PRICKLE2: variants seen among roughly 807,000 people sequenced by gnomAD.
PRICKLE2 encodes the protein prickle-like protein 2.
Under a neutral mutation model 81.4 loss-of-function variants are expected in PRICKLE2, and 21 were observed. The observed-to-expected ratio is 0.26, with a 90% CI of 0.18 to 0.37. The LOEUF (loss-of-function observed/expected upper bound fraction) is 0.37. Ranked by LOEUF, PRICKLE2 falls within the 10% of genes least tolerant of loss-of-function variation. PRICKLE2 has a pLI of 1.00. For missense variants in PRICKLE2, 940 were observed against 1,109.0 expected (o/e 0.85, Z 2.16); for synonymous variants, 456 against 421.5 (o/e 1.08, Z -1.00).
At chr3:64,153,113 T>G (rs2077573143) in intron 6 of PRICKLE2, 69 bp downstream of exon 6, 1 of 1,427,532 alleles carries the variant, frequency 7.0e-7, no homozygotes, top group Non-Finnish European at 9.9e-7. Flanking sequence ...CAAAGATACT[T>G]TAACTACACC....
chr3:64,262,292 A>G (rs1022536781), intron 2 of PRICKLE2, among the ~76,000 whole-genome samples: 6 of 152,168 alleles, frequency 3.9e-5, no homozygotes, highest in African/African-American at 1.2e-4. Flanking sequence ...TAAGAGAAAG[A>G]GAACAATCAA....
At chr3:64,139,113 G>T (rs2077320835) in intron 7 of PRICKLE2, among the ~76,000 whole-genome samples, 2 of 152,200 alleles carry the variant, frequency 1.3e-5, no homozygotes, top group South Asian at 4.1e-4. Context: ...CAGCAATGCT[G>T]AAAAATTACC....
rs1553663533 is a variant in PRICKLE2 at position 64,258,893 on chromosome 3, G to GAAAT, written c.129-59930_129-59927dup. ...AGAAAGAAAGAAAGAAAGAAAGAAAGAAATCAGGAGAGTGGTTAGAATTAA... is the reference window on the plus strand; with the variant it reads ...AGAAAGAAAGAAAGAAAGAAAGAAAGAAATAAATCAGGAGAGTGGTTAGAATTAA... On this transcript the variant is annotated intron_variant, in intron 2 of 8. Coordinates refer to the PRICKLE2 transcript ENST00000295902. Among the ~76,000 whole-genome samples, 457 of 140,248 alleles carry GAAAT rather than the reference G, an allele frequency of 3.3e-3. 2 individuals carry two copies. Among genetic ancestry groups the GAAAT allele is most frequent in the East Asian group, 8.5e-3 (39 of 4,594 alleles). The allele number at this position is 140,248 out of a possible 152,430, so 92.0% of individuals were successfully genotyped here.
intron 2 of PRICKLE2, among the ~76,000 whole-genome samples, chr3:64,261,277 T>TA (rs1479637331): frequency 3.3e-5 from 5 of 152,130 alleles, no homozygotes; most frequent in Admixed American, 1.3e-4. Context: ...AAAAATAACT[T>TA]AAAAATTTTT....
At chr3:64,253,389 G>C (rs1030347795) in intron 2 of PRICKLE2, among the ~76,000 whole-genome samples, 2 of 152,098 alleles carry the variant, frequency 1.3e-5, no homozygotes, top group African/African-American at 4.8e-5. Context: ...CCATCACACA[G>C]CTGTTCAGAC....
chr3:64,195,308 T>C (rs696227), intron 2 of PRICKLE2, among the ~76,000 whole-genome samples: 28,953 of 152,186 alleles, frequency 0.19, 3,240 homozygotes, highest in East Asian at 0.48. Flanking sequence ...TTTTATGAAA[T>C]TAAATGTCCG....
At chr3:64,110,495 T>C (rs1002106028) in intron 7 of PRICKLE2, among the ~76,000 whole-genome samples, 2 of 152,106 alleles carry the variant, frequency 1.3e-5, no homozygotes, top group Non-Finnish European at 2.9e-5. Context: ...CAAGTCAGCA[T>C]AGCAAGGTGA....
intron 7 of PRICKLE2, among the ~76,000 whole-genome samples, chr3:64,119,400 A>T (rs998437862): frequency 3.9e-5 from 6 of 152,218 alleles, no homozygotes; most frequent in Non-Finnish European, 8.8e-5. Flanking sequence ...GGCAAAAAAC[A>T]TGAAAAGACA....
chr3:64,109,606 G>A lies in PRICKLE2; in HGVS notation c.1661-9681C>T, dbSNP rs185413497. ...CTGGGGCAGGGGTGGGGGAGGAGGGGAGTGTGCATAACTTCTTACTTCACA... is the reference window on the plus strand; with the variant it reads ...CTGGGGCAGGGGTGGGGGAGGAGGGAAGTGTGCATAACTTCTTACTTCACA... On this transcript the variant is annotated intron_variant, in intron 7 of 7. Coordinates refer to ENST00000638394, the MANE Select transcript of PRICKLE2 (RefSeq NM_198859.4). Among the ~76,000 whole-genome samples, 22 of 152,228 alleles carry A rather than the reference G, an allele frequency of 1.4e-4. No individual in the cohort carries two copies. In the East Asian group the frequency reaches 4.1e-3, roughly 28 times the overall value.
intron 1 of PRICKLE2, among the ~76,000 whole-genome samples, chr3:64,209,361 T>C (rs1050586406): frequency 2.6e-5 from 4 of 151,374 alleles, no homozygotes; most frequent in Non-Finnish European, 4.4e-5. Context: ...CATTCATTTA[T>C]ATCCGTACAT....
At chr3:64,268,047 C>G (rs986179903) in intron 2 of PRICKLE2, 1 of 152,220 alleles carries the variant, frequency 6.6e-6, no homozygotes, top group Non-Finnish European at 1.5e-5. Context: ...GCCAACTGCC[C>G]GGAGCCGAAG....
intron 4 of PRICKLE2, among the ~76,000 whole-genome samples, chr3:64,159,586 C>G (rs985730129): frequency 6.6e-6 from 1 of 152,174 alleles, no homozygotes; most frequent in African/African-American, 2.4e-5. Context: ...TTCCCTCTGC[C>G]CTAAAATCTG....
chr3:64,228,320 G>A (rs1397912737), upstream of PRICKLE2, among the ~76,000 whole-genome samples: 1 of 152,146 alleles, frequency 6.6e-6, no homozygotes, highest in Non-Finnish European at 1.5e-5. Flanking sequence ...GAGGCATGCA[G>A]AGTCCTCAAA....
rs2079569796 is a variant in PRICKLE2 at position 64,258,845 on chromosome 3, A to AAGGAAAGAAAGAAAGAAAGAAAG, written c.129-59879_129-59878insCTTTCTTTCTTTCTTTCTTTCCT. Among the ~76,000 whole-genome samples, 3 of 34,000 alleles carry AAGGAAAGAAAGAAAGAAAGAAAG rather than the reference A, an allele frequency of 8.8e-5. No homozygotes were observed. In the South Asian group the frequency reaches 3.9e-3, roughly 45 times the overall value. 22.3% of individuals were successfully genotyped at this position (34,000 alleles called of 152,430 possible). On this transcript the variant is annotated intron_variant, in intron 2 of 8. Coordinates refer to the PRICKLE2 transcript ENST00000295902. ...TCTCAAAAAAAAAAAAAAAAAAAAA[A>AAGGAAAGAAAGAAAGAAAGAAAG]AAAGAAAGAAAGAAAGAAAGAAAGA... is the stretch of plus-strand genomic sequence containing the variant.
chr3:64,127,022 TG>T (rs1177639776), intron 7 of PRICKLE2, among the ~76,000 whole-genome samples: 1 of 152,202 alleles, frequency 6.6e-6, no homozygotes, highest in Non-Finnish European at 1.5e-5. Context: ...CTCCAGCTGC[TG>T]GGGCAACACC....
At chr3:64,181,977 A>G (rs934262235) in intron 2 of PRICKLE2, among the ~76,000 whole-genome samples, 2 of 152,184 alleles carry the variant, frequency 1.3e-5, no homozygotes, top group African/African-American at 4.8e-5. Context: ...AAAATGCTGA[A>G]TAACTGGAGC....
At chr3:64,184,186 T>C (rs985117806) in intron 2 of PRICKLE2, among the ~76,000 whole-genome samples, 2 of 152,236 alleles carry the variant, frequency 1.3e-5, no homozygotes, top group African/African-American at 2.4e-5. Context: ...GCCATTCTAG[T>C]CTGGAAAGAT....
intron 2 of PRICKLE2, among the ~76,000 whole-genome samples, chr3:64,247,874 G>C (rs1010555179): frequency 2.6e-5 from 4 of 152,126 alleles, no homozygotes; most frequent in Admixed American, 6.5e-5. Context: ...GTTGTAAAAA[G>C]TCATTTTGAG....
rs562030200 is a variant in PRICKLE2, at chr3:64,109,529, T to C, written c.1661-9604A>G. On this transcript the variant is annotated intron_variant, in intron 7 of 7. Coordinates refer to ENST00000638394, the MANE Select transcript of PRICKLE2 (RefSeq NM_198859.4). ...TCAGTGCTGGTAGTCTAAGGAATGA[T>C]TTCCTCTGCCAGCTGCACTGGGGAA... Among the ~76,000 whole-genome samples the C allele has an allele frequency of 1.4e-4, 21 of 152,244 alleles. No homozygotes were observed. In the South Asian group the frequency reaches 2.7e-3, roughly 20 times the overall value.
Sources: gnomAD v4.1 joint callset for allele counts (sites outside exome capture counted in the v4.1 genomes callset) on GRCh38, gnomAD v4.1.1 for gene constraint, MANE v1.5 for transcripts, NCBI Gene and HGNC (gene_info 2026-07-23, HGNC 2026-07-21) for gene names.